DNAJC6: variants seen among roughly 807,000 people sequenced by gnomAD.
DNAJC6 encodes the protein auxilin.
A neutral mutation model predicts 110.0 loss-of-function variants in DNAJC6; 34 were observed. The observed-to-expected ratio is 0.31, with a 90% confidence interval of 0.24 to 0.41. The LOEUF (loss-of-function observed/expected upper bound fraction) is 0.41, where lower values mean the gene tolerates loss of function less well. Ranked by LOEUF, DNAJC6 falls within the 10% of genes least tolerant of loss-of-function variation. The pLI is 1.00. For synonymous variants in DNAJC6, 406 were observed against 437.2 expected, an observed-to-expected ratio of 0.93 and a Z score of 0.89; for missense variants, 1,031 against 1,207.8, an observed-to-expected ratio of 0.85 and a Z score of 2.17.
At chr1:65,276,654 C>G (rs1333624526) in intron 1 of DNAJC6, among the ~76,000 whole-genome samples, 1 of 152,144 alleles carries the variant, frequency 6.6e-6, no homozygotes, top group Non-Finnish European at 1.5e-5. Context: ...GCTGAAAACT[C>G]TACTCAGCAA....
chr1:65,398,275 C>T (rs1645998110), intron 13 of DNAJC6, among the ~76,000 whole-genome samples: 1 of 152,200 alleles, frequency 6.6e-6, no homozygotes. Context: ...GTGCCCAGTA[C>T]ATGTTCTGCA....
chr1:65,320,531 C>T (rs1645188669), intron 1 of DNAJC6, among the ~76,000 whole-genome samples: 1 of 152,128 alleles, frequency 6.6e-6, no homozygotes, highest in Non-Finnish European at 1.5e-5. Flanking sequence ...CTGACCCTGC[C>T]TTTTTCATAG....
chr1:65,412,876 G>A (rs1486291051), intron 18 of DNAJC6, 48 bp from the exon 19 acceptor site: 3 of 1,470,168 alleles, frequency 2.0e-6, no homozygotes, highest in East Asian at 4.5e-5. Context: ...TAATATTAAT[G>A]AAATTTTGGT....
At chr1:65,296,937 G>C (rs1644935045) in intron 1 of DNAJC6, among the ~76,000 whole-genome samples, 1 of 152,108 alleles carries the variant, frequency 6.6e-6, no homozygotes, top group African/African-American at 2.4e-5. Flanking sequence ...CATGGAGTTA[G>C]GTACCAAATA....
chr1:65,345,113 A>G (rs1046895330), intron 1 of DNAJC6, among the ~76,000 whole-genome samples: 2 of 90,610 alleles, frequency 2.2e-5, no homozygotes, highest in Non-Finnish European at 2.2e-5. Flanking sequence ...TGAGGAAGGT[A>G]TCATAGGCCT....
chr1:65,300,043 CAAAAAAAA>C (rs59681451), intron 1 of DNAJC6, among the ~76,000 whole-genome samples: 75 of 112,016 alleles, frequency 6.7e-4, no homozygotes, highest in Admixed American at 7.9e-4. Flanking sequence ...AACTCCATCT[CAAAAAAAA>C]AAAAAAAAAA....
Position 65,309,777 on chromosome 1 carries a change from C to T in DNAJC6, c.32C>T (p.Thr11Ile), listed in dbSNP as rs2101357416. 1 of 1,548,928 alleles carries T rather than the reference C, an allele frequency of 6.5e-7. No individual in the cohort carries two copies. Residue 11 changes from threonine (T) to isoleucine (I), a missense_variant, in exon 1 of 19, where the codon ACC (threonine) becomes ATC (isoleucine). Coordinates refer to ENST00000371069, the MANE Select transcript of DNAJC6 (RefSeq NM_001256864.2). ...CTCCTCGGGAGCTACCGGAAAAAGA[C>T]CAGCAACGATGGTTATGAATCTTTG... MSLLGSYRKK[T>I]SNDGYESLQL...
intron 11 of DNAJC6, among the ~76,000 whole-genome samples, chr1:65,390,165 GT>G (rs1429354444): frequency 6.6e-5 from 10 of 152,118 alleles, no homozygotes; most frequent in Non-Finnish European, 1.5e-5. Context: ...TCTCTGCTGT[GT>G]TTTTGGTCAC....
At chr1:65,344,752 G>T (rs1043078772) in intron 1 of DNAJC6, among the ~76,000 whole-genome samples, 1 of 152,236 alleles carries the variant, frequency 6.6e-6, no homozygotes, top group Non-Finnish European at 1.5e-5. Context: ...GATTATTGGA[G>T]CATAATTAAG....
At chr1:65,323,948 G>A (rs1389012999) in intron 1 of DNAJC6, among the ~76,000 whole-genome samples, 1 of 152,154 alleles carries the variant, frequency 6.6e-6, no homozygotes, top group African/African-American at 2.4e-5. Context: ...AGAACAAATG[G>A]AATAAGGAAT....
At chr1:65,299,800 A>G (rs550266400) in intron 1 of DNAJC6, among the ~76,000 whole-genome samples, 1 of 152,130 alleles carries the variant, frequency 6.6e-6, no homozygotes, top group Non-Finnish European at 1.5e-5. Flanking sequence ...CTGCAATCCC[A>G]GCACTTTGGG....
chr1:65,410,726 A>G (rs1414862760), intron 17 of DNAJC6, among the ~76,000 whole-genome samples: 1 of 152,200 alleles, frequency 6.6e-6, no homozygotes, highest in Non-Finnish European at 1.5e-5. Context: ...AGCCTTTTTG[A>G]GCTCTGTTCT....
At chr1:65,409,058 G>C (rs1283195227) in intron 17 of DNAJC6, among the ~76,000 whole-genome samples, 1 of 152,034 alleles carries the variant, frequency 6.6e-6, no homozygotes, top group Non-Finnish European at 1.5e-5. Context: ...TTTTCCCTGT[G>C]TCCTCATAGG....
chr1:65,275,899 C>CTTT (rs34750466), intron 1 of DNAJC6, among the ~76,000 whole-genome samples: 19 of 138,856 alleles, frequency 1.4e-4, no homozygotes, highest in East Asian at 2.1e-4. Flanking sequence ...CTATTAGATT[C>CTTT]TTTTTTTTTT....
At chr1:65,270,198 A>G (rs935180264) in intron 1 of DNAJC6, among the ~76,000 whole-genome samples, 4 of 152,198 alleles carry the variant, frequency 2.6e-5, no homozygotes, top group Non-Finnish European at 5.9e-5. Context: ...GTTTTCTAAT[A>G]TAGTCGTCTG....
intron 1 of DNAJC6, among the ~76,000 whole-genome samples, chr1:65,286,226 G>C (rs1654015461): frequency 6.6e-6 from 1 of 151,982 alleles, no homozygotes; most frequent in South Asian, 2.1e-4. Flanking sequence ...AGAATTCTAA[G>C]TTATGTAGAA....
intron 5 of DNAJC6, among the ~76,000 whole-genome samples, chr1:65,380,789 TG>T (rs1645809624): frequency 6.6e-6 from 1 of 151,878 alleles, no homozygotes; most frequent in Non-Finnish European, 1.5e-5. Context: ...CAAAAGATTA[TG>T]GTTCTACAGG....
chr1:65,325,329 G>A (rs1242007667), intron 1 of DNAJC6, among the ~76,000 whole-genome samples: 1 of 152,200 alleles, frequency 6.6e-6, no homozygotes, highest in East Asian at 1.9e-4. Context: ...CCTCTTAAAG[G>A]AGCTTAGAAG....
chr1:65,309,898 C>T lies in DNAJC6; in HGVS notation c.153C>T (p.Ala51=). Residue 51 remains alanine, a synonymous_variant, in exon 1 of 19, where the codon GCC becomes GCT. Coordinates refer to ENST00000371069, the MANE Select transcript of DNAJC6 (RefSeq NM_001256864.2). ...CCGGGGCAGCGGCGCGGAGTCCCGC[C>T]CGACAGCCTCCGGACCGCGCCAGCA... ...VNAGAAARSP[A]RQPPDRASTM... is the part of the protein sequence containing the mutation. The T allele has an allele frequency of 6.5e-7, 1 of 1,540,312 alleles. No individual in the cohort carries two copies. Among genetic ancestry groups the T allele is most frequent in the Non-Finnish European group, 8.8e-7 (1 of 1,141,746 alleles).
Sources: gnomAD v4.1 joint callset for allele counts (sites outside exome capture counted in the v4.1 genomes callset) on GRCh38, gnomAD v4.1.1 for gene constraint, MANE v1.5 for transcripts, NCBI Gene and HGNC (gene_info 2026-07-23, HGNC 2026-07-21) for gene names.